GNAT1: variants seen among roughly 807,000 people sequenced by gnomAD.
The protein encoded by GNAT1 is G protein subunit alpha transducin 1.
GNAT1 carries 36 observed loss-of-function variants against 40.0 expected under a neutral mutation model. The observed-to-expected ratio is 0.90, with a 90% CI of 0.69 to 1.19. The LOEUF (loss-of-function observed/expected upper bound fraction) is 1.19. Among genes scored for constraint, GNAT1 ranks in the 50% most tolerant of loss-of-function variants. The pLI, the probability that GNAT1 is intolerant of heterozygous loss-of-function variation, is 0.00. For missense variants in GNAT1, 413 were observed against 480.6 expected (o/e 0.86, Z 1.32); for synonymous variants, 195 against 192.9 (o/e 1.01, Z -0.09).
intron 1 of GNAT1, chr3:50,192,918 T>C (rs1343370965): frequency 3.2e-6 from 2 of 615,636 alleles, no homozygotes; most frequent in Non-Finnish European, 5.8e-6. Context: ...TGGCTTCCTT[T>C]CTTCACTTTC....
rs1290757165 is a variant in GNAT1 at position 50,193,915 on chromosome 3, C to T, written c.578+34C>T. 6.2e-7 allele frequency: 1 copy of T among 1,612,558 alleles called. No homozygotes were observed. The highest frequency in any genetic ancestry group is 8.5e-7 in the Non-Finnish European group (1 of 1,179,280). On this transcript the variant is annotated intron_variant, in intron 5 of 8. Coordinates refer to ENST00000232461, the MANE Select transcript of GNAT1 (RefSeq NM_144499.3). The surrounding 1 kb of genome is among the most constrained non-coding windows in gnomAD (Gnocchi z 8.1). Reference sequence around the variant, plus strand: ...CATACGCTAGCCCAGGAGGTCACTGCCCCAGGCCCCGTCCTGCCCCGGGGA... The same window carrying T: ...CATACGCTAGCCCAGGAGGTCACTGTCCCAGGCCCCGTCCTGCCCCGGGGA...
Position 50,193,072 on chromosome 3 carries a change from G to C in GNAT1, c.107-61G>C. Reference sequence around the variant, plus strand: ...AACTCGGGAGGTCCCCGTCCTCCTGGCCTCCTTGCTGGAGGGGGCAGGCTG... The same window carrying C: ...AACTCGGGAGGTCCCCGTCCTCCTGCCCTCCTTGCTGGAGGGGGCAGGCTG... On this transcript the variant is annotated intron_variant, in intron 1 of 8. Coordinates refer to ENST00000232461, the MANE Select transcript of GNAT1 (RefSeq NM_144499.3). This position sits in a 1 kb window ranked among gnomAD's most constrained non-coding sequence, Gnocchi z 8.1. 1 of 1,580,780 alleles carries C rather than the reference G, an allele frequency of 6.3e-7. No homozygotes were observed. Among genetic ancestry groups the C allele is most frequent in the Non-Finnish European group, 8.7e-7 (1 of 1,153,292 alleles).
In GNAT1 at chr3:50,194,307, G is replaced by A. The variant is rs1011387340; in HGVS notation, c.708+86G>A. ...GCGGAGACCGCGCGCTGGGCTGGGGGAGGGCACGGGAGGGGATGCCTGTCC... is the reference window on the plus strand; with the variant it reads ...GCGGAGACCGCGCGCTGGGCTGGGGAAGGGCACGGGAGGGGATGCCTGTCC... On this transcript the variant is annotated intron_variant, in intron 6 of 8. Coordinates refer to ENST00000232461, the MANE Select transcript of GNAT1 (RefSeq NM_144499.3). This position sits in a 1 kb window ranked among gnomAD's most constrained non-coding sequence, Gnocchi z 6.1. 1.7e-5 allele frequency: 25 copies of A among 1,476,426 alleles called. No homozygotes were observed. In the South Asian group the frequency reaches 3.0e-4, roughly 17 times the overall value. The allele number at this position is 1,476,426 out of a possible 1,614,324, so 91.5% of individuals were successfully genotyped here. A position where few individuals can be genotyped will look rare whatever the true frequency, so the allele number is the denominator to read the frequency against.
chr3:50,195,481 C>T lies in GNAT1; in HGVS notation c.*215C>T, dbSNP rs1466960532. On this transcript the variant is annotated 3_prime_UTR_variant, in exon 9 of 9. Transcript: ENST00000232461. ...CTCATGCCCCCAACCCCAAGCCCTG[C>T]CCTTCACCGCCCGGCTGCACTGGCC... The T allele has an allele frequency of 2.2e-5, 4 of 180,286 alleles. No homozygotes were observed. Among genetic ancestry groups the T allele is most frequent in the Non-Finnish European group, 3.6e-5 (3 of 83,346 alleles). 11.2% of individuals were successfully genotyped at this position (180,286 alleles called of 1,614,324 possible). A position where few individuals can be genotyped will look rare whatever the true frequency, so the allele number is the denominator to read the frequency against.
chr3:50,192,362 G>T (rs1461810333), intron 1 of GNAT1, among the ~76,000 whole-genome samples: 1 of 152,196 alleles, frequency 6.6e-6, no homozygotes, highest in East Asian at 1.9e-4. Context: ...AGAGGGGCTG[G>T]CGGGTACTGA....
chr3:50,192,580 A>T (rs2109137980), intron 1 of GNAT1: 1 of 190,816 alleles, frequency 5.2e-6, no homozygotes, highest in Non-Finnish European at 1.1e-5. Flanking sequence ...CCCCCAAGGC[A>T]GAGAGGCTAA....
At position 50,194,454 on chromosome 3, in the gene GNAT1, C is replaced by CG; in HGVS notation, c.709-44dup. 1.9e-6 allele frequency: 3 copies of CG among 1,601,034 alleles called. No homozygotes were observed. Among genetic ancestry groups the CG allele is most frequent in the South Asian group, 2.2e-5 (2 of 90,494 alleles). On this transcript the variant is annotated intron_variant, in intron 6 of 8. Coordinates refer to ENST00000232461, the MANE Select transcript of GNAT1 (RefSeq NM_144499.3). The surrounding 1 kb of genome is among the most constrained non-coding windows in gnomAD (Gnocchi z 6.1). ...CCGGGAGCCCAGAGAGCAGGTGCTGCGGGTCGGACGCTACCCCGGGTGCCC... is the reference window on the plus strand; with the variant it reads ...CCGGGAGCCCAGAGAGCAGGTGCTGCGGGGTCGGACGCTACCCCGGGTGCCC...
rs956716172 is a variant in GNAT1 at position 50,197,532 on chromosome 3, T to C, written c.*2266T>C. Among the ~76,000 whole-genome samples, 1 of 152,222 alleles carries C rather than the reference T, an allele frequency of 6.6e-6. No individual in the cohort carries two copies. The highest frequency in any genetic ancestry group is 1.5e-5 in the Non-Finnish European group (1 of 68,042). On this transcript the variant is annotated 3_prime_UTR_variant, in exon 9 of 9. Transcript: ENST00000232461. Reference sequence around the variant, plus strand: ...TTAGCATCATGTCTTCAAGGTTTATTCATGTGTAGCATATGGCAGAATCTC... The same window carrying C: ...TTAGCATCATGTCTTCAAGGTTTATCCATGTGTAGCATATGGCAGAATCTC...
intron 1 of GNAT1, 152 bp downstream of exon 1, chr3:50,191,983 C>T (rs1699417769): frequency 1.6e-6 from 1 of 627,600 alleles, no homozygotes; most frequent in Admixed American, 2.4e-5. Flanking sequence ...CAAGCAAGGC[C>T]AGGCCTGACA....
In GNAT1 at chr3:50,194,283, C is replaced by A. The variant is rs1575417347; in HGVS notation, c.708+62C>A. On this transcript the variant is annotated intron_variant, in intron 6 of 8. Transcript: ENST00000232461. The surrounding 1 kb of genome is among the most constrained non-coding windows in gnomAD (Gnocchi z 6.1). Reference sequence around the variant, plus strand: ...AGGAGGAGCTGCTGGTCCCTGGAGGCGGAGACCGCGCGCTGGGCTGGGGGA... The same window carrying A: ...AGGAGGAGCTGCTGGTCCCTGGAGGAGGAGACCGCGCGCTGGGCTGGGGGA... 1 of 1,537,544 alleles carries A rather than the reference C, an allele frequency of 6.5e-7. No individual in the cohort carries two copies.
chr3:50,194,450 G>A lies in GNAT1; in HGVS notation c.709-51G>A, dbSNP rs1327119778. 9 of 1,599,218 alleles carry A rather than the reference G, an allele frequency of 5.6e-6. No homozygotes were observed. Among genetic ancestry groups the A allele is most frequent in the East Asian group, 2.2e-5 (1 of 44,604 alleles). ...GTGCCCGGGAGCCCAGAGAGCAGGT[G>A]CTGCGGGTCGGACGCTACCCCGGGT... On this transcript the variant is annotated intron_variant, in intron 6 of 8. Transcript: ENST00000232461. The surrounding 1 kb of genome is among the most constrained non-coding windows in gnomAD (Gnocchi z 6.1).
rs536082332 is a variant in GNAT1, at chr3:50,194,677, A to C, written c.862+23A>C. The C allele has an allele frequency of 5.6e-5, 90 of 1,611,622 alleles. No individual in the cohort carries two copies. Among genetic ancestry groups the C allele is most frequent in the Non-Finnish European group, 7.0e-5 (83 of 1,178,870 alleles). On this transcript the variant is annotated intron_variant, in intron 7 of 8. Transcript: ENST00000232461. This position sits in a 1 kb window ranked among gnomAD's most constrained non-coding sequence, Gnocchi z 6.1. ...ATGGTGAGAAGTCCGCAAGGCCGCC[A>C]GGCGGCGCCCCCGCCCCACGATCGC...
Position 50,194,611 on chromosome 3 carries a change from G to A in GNAT1, c.819G>A (p.Lys273=). The part of the protein sequence containing the change: ...FLNKKDVFFE[K]IKKAHLSICF... ...ACAAGAAGGACGTCTTCTTCGAGAA[G>A]ATCAAGAAGGCGCACCTCAGCATCT... The change falls in exon 7 of 9, where the codon AAG becomes AAA. Residue 273 remains lysine, a synonymous_variant. Coordinates refer to ENST00000232461, the MANE Select transcript of GNAT1 (RefSeq NM_144499.3). The surrounding 1 kb of genome is among the most constrained non-coding windows in gnomAD (Gnocchi z 6.1). 6.2e-7 allele frequency: 1 copy of A among 1,613,694 alleles called. No homozygotes were observed. The highest frequency in any genetic ancestry group is 2.2e-5 in the East Asian group (1 of 44,878).
At chr3:50,195,194 C>G (rs975732453) in intron 8 of GNAT1, 74 bp from the exon 9 acceptor site, 2 of 590,508 alleles carry the variant, frequency 3.4e-6, no homozygotes, top group Non-Finnish European at 6.1e-6. Flanking sequence ...CTTCCAGGGC[C>G]GCCCCACCAC....
rs975014616 is a variant in GNAT1 at position 50,197,087 on chromosome 3, C to T, written c.*1821C>T. Among the ~76,000 whole-genome samples, 4 of 152,046 alleles carry T rather than the reference C, an allele frequency of 2.6e-5. No individual in the cohort carries two copies. The highest frequency in any genetic ancestry group is 9.7e-5 in the African/African-American group (4 of 41,382). ...TTAAAAATCAAATGAATGCAAAACC[C>T]CACAATGAATGAAATATCAAAATCC... On this transcript the variant is annotated 3_prime_UTR_variant, in exon 9 of 9. Coordinates refer to ENST00000232461, the MANE Select transcript of GNAT1 (RefSeq NM_144499.3).
At chr3:50,195,129 A>C (rs1699482851) in intron 8 of GNAT1, 139 bp from the exon 9 acceptor site, 2 of 530,868 alleles carry the variant, frequency 3.8e-6, no homozygotes, top group African/African-American at 3.4e-5. Flanking sequence ...CCCACCCCAC[A>C]AGTCCCACCC....
In GNAT1 at chr3:50,194,037, A is replaced by T. The variant is rs1035984703; in HGVS notation, c.579-55A>T. 5 of 1,610,698 alleles carry T rather than the reference A, an allele frequency of 3.1e-6. No individual in the cohort carries two copies. In the African/African-American group the frequency reaches 6.7e-5, roughly 22 times the overall value. On this transcript the variant is annotated intron_variant, in intron 5 of 8. Transcript: ENST00000232461. The surrounding 1 kb of genome is among the most constrained non-coding windows in gnomAD (Gnocchi z 6.1). ...GAGCTCCCCGACCAGCACAGGGCGA[A>T]GGGATGTTGCCTGTGGGGCCCGGGG...
chr3:50,192,330 C>A (rs1054926194), intron 1 of GNAT1, among the ~76,000 whole-genome samples: 3 of 152,110 alleles, frequency 2.0e-5, no homozygotes, highest in Non-Finnish European at 4.4e-5. Flanking sequence ...AGGGCTGTGG[C>A]TGATAGACCT....
rs770090555 is a variant in GNAT1, at chr3:50,194,760, C to G, written c.863-5C>G. 2.5e-6 allele frequency: 4 copies of G among 1,613,586 alleles called. No homozygotes were observed. Among genetic ancestry groups the G allele is most frequent in the South Asian group, 2.2e-5 (2 of 91,082 alleles). On this transcript the variant is annotated splice_polypyrimidine_tract_variant and splice_region_variant and intron_variant, in intron 7 of 8. Transcript: ENST00000232461. The surrounding 1 kb of genome is among the most constrained non-coding windows in gnomAD (Gnocchi z 6.1). ...TGAGCAGAGTGAGAGCTCCCGCCCCCGCAGGACCCAACACCTACGAGGACG... is the reference window on the plus strand; with the variant it reads ...TGAGCAGAGTGAGAGCTCCCGCCCCGGCAGGACCCAACACCTACGAGGACG...
Sources: allele counts gnomAD v4.1 joint callset (sites outside exome capture counted in the v4.1 genomes callset), GRCh38; gene constraint gnomAD v4.1.1; non-coding constraint Gnocchi (gnomAD v3.1); transcripts MANE v1.5; gene names NCBI Gene and HGNC (gene_info 2026-07-23, HGNC 2026-07-21).